SEMA3A: variants seen among roughly 807,000 people sequenced by gnomAD.
SEMA3A encodes semaphorin 3A.
A neutral mutation model predicts 97.9 loss-of-function variants in SEMA3A; 29 were observed. The observed-to-expected ratio is 0.30, with a 90% CI of 0.22 to 0.40. SEMA3A has a LOEUF of 0.40. Ranked by LOEUF, SEMA3A falls within the 10% of genes least tolerant of loss-of-function variation. The pLI, the probability that SEMA3A is intolerant of heterozygous loss-of-function variation, is 1.00. For missense variants in SEMA3A, 763 were observed against 951.3 expected (o/e 0.80, Z 2.60); for synonymous variants, 321 against 323.7 (o/e 0.99, Z 0.09).
chr7:84,338,606 AG>A (rs1244082641), intron 2 of SEMA3A, among the ~76,000 whole-genome samples: 1 of 152,194 alleles, frequency 6.6e-6, no homozygotes, highest in Non-Finnish European at 1.5e-5. Flanking sequence ...TTGAAGAAAT[AG>A]GAAGTTTGGC....
intron 1 of SEMA3A, among the ~76,000 whole-genome samples, chr7:84,465,935 T>C (rs1188486207): frequency 6.6e-6 from 1 of 152,154 alleles, no homozygotes; most frequent in East Asian, 1.9e-4. Flanking sequence ...ATGAAGCTGC[T>C]CATTTTTATT....
chr7:84,307,912 A>G (rs1435201799), intron 2 of SEMA3A, among the ~76,000 whole-genome samples: 2 of 152,162 alleles, frequency 1.3e-5, no homozygotes, highest in African/African-American at 4.8e-5. Context: ...AATTGTACAC[A>G]TTTCATAGTT....
intron 1 of SEMA3A, among the ~76,000 whole-genome samples, chr7:84,386,759 G>T (rs1803407325): frequency 1.3e-5 from 2 of 152,094 alleles, no homozygotes; most frequent in African/African-American, 4.8e-5. Context: ...CAGCACTTTG[G>T]GAGGCTGAGG....
rs562473136 is a variant in SEMA3A at position 84,141,045 on chromosome 7, C to T, written c.113-6094G>A. Among the ~76,000 whole-genome samples, 22 of 152,260 alleles carry T rather than the reference C, an allele frequency of 1.4e-4. No homozygotes were observed. In the East Asian group the frequency reaches 2.9e-3, roughly 20 times the overall value. On this transcript the variant is annotated intron_variant, in intron 1 of 16. Transcript: ENST00000265362. ...CATTTTATTACACGCAAGATTAGGA[C>T]CTTTCCACAGACTGATGTTTGGCAA...
At chr7:84,270,973 A>C (rs1800134462) in intron 3 of SEMA3A, among the ~76,000 whole-genome samples, 1 of 151,966 alleles carries the variant, frequency 6.6e-6, no homozygotes, top group Non-Finnish European at 1.5e-5. Context: ...ATTTTTTCAG[A>C]TTAGTAGTAC....
At chr7:84,035,453 T>C (rs1240174393) in intron 6 of SEMA3A, among the ~76,000 whole-genome samples, 6 of 152,062 alleles carry the variant, frequency 3.9e-5, no homozygotes. Context: ...TGTTTATCAT[T>C]GATTAAGATG....
intron 3 of SEMA3A, among the ~76,000 whole-genome samples, chr7:84,239,637 A>G (rs1799313985): frequency 6.6e-6 from 1 of 152,168 alleles, no homozygotes; most frequent in Admixed American, 6.6e-5. Context: ...ATAGTTTAGA[A>G]ATTGGATCGT....
rs61298477 is a variant in SEMA3A at position 84,445,493 on chromosome 7, C to CAAAAAAAAAAAAAAAAAAAAAAA, written c.-246+46944_-246+46966dup. 8.7e-4 allele frequency among the ~76,000 whole-genome samples: 24 copies of CAAAAAAAAAAAAAAAAAAAAAAA among 27,582 alleles called. 1 individual carries two copies. The highest frequency in any genetic ancestry group is 1.3e-3 in the Non-Finnish European group (16 of 12,678). The allele number at this position is 27,582 out of a possible 152,430, so 18.1% of individuals were successfully genotyped here. A position where few individuals can be genotyped will look rare whatever the true frequency, so the allele number is the denominator to read the frequency against. ...TGGGCGACAGAGTGAGACTCCATCT[C>CAAAAAAAAAAAAAAAAAAAAAAA]AAAAAAAAAAAAAAAAAAAAAAAAA... On this transcript the variant is annotated intron_variant, in intron 1 of 3. Transcript: ENST00000424555.
intron 3 of SEMA3A, among the ~76,000 whole-genome samples, chr7:84,278,863 A>G (rs76691117): frequency 0.081 from 12,393 of 152,132 alleles, 706 homozygotes; most frequent in East Asian, 0.31. Context: ...ACATTTCAAC[A>G]TGAGATTTGG....
At chr7:84,027,768 A>G (rs902426786) in intron 6 of SEMA3A, among the ~76,000 whole-genome samples, 12 of 152,184 alleles carry the variant, frequency 7.9e-5, no homozygotes, top group African/African-American at 2.9e-4. Context: ...TGTGACCATG[A>G]GCAAGTTAAC....
chr7:83,980,603 C>CAAAAAAAAAAAAAAACA (rs1789353855), intron 14 of SEMA3A, among the ~76,000 whole-genome samples: 2 of 53,968 alleles, frequency 3.7e-5, no homozygotes, highest in South Asian at 5.5e-4. Context: ...GACTCCATCT[C>CAAAAAAAAAAAAAAACA]AAAAAAAAAA....
At chr7:84,461,464 C>CT (rs67947350) in intron 1 of SEMA3A, among the ~76,000 whole-genome samples, 64,538 of 147,946 alleles carry the variant, frequency 0.44, 13,876 homozygotes, top group Admixed American at 0.5. Context: ...ACTTGGAAAG[C>CT]TTTTTTTTTT....
At chr7:84,001,316 AC>A (rs753869798) in intron 12 of SEMA3A, among the ~76,000 whole-genome samples, 3 of 149,404 alleles carry the variant, frequency 2.0e-5, no homozygotes, top group African/African-American at 4.9e-5. Context: ...CTTCCACCCA[AC>A]CCCCCTCTCA....
At chr7:84,434,794 TC>T (rs1805082176) in intron 1 of SEMA3A, among the ~76,000 whole-genome samples, 1 of 152,090 alleles carries the variant, frequency 6.6e-6, no homozygotes, top group Non-Finnish European at 1.5e-5. Context: ...AGAAAAGCCT[TC>T]AATAAAATCC....
intron 3 of SEMA3A, among the ~76,000 whole-genome samples, chr7:84,204,287 A>G (rs1208967155): frequency 6.6e-6 from 1 of 152,224 alleles, no homozygotes; most frequent in Non-Finnish European, 1.5e-5. Context: ...TAAGATCATA[A>G]TTTGTAGCAA....
intron 1 of SEMA3A, among the ~76,000 whole-genome samples, chr7:84,192,051 C>A (rs2116271023): frequency 6.6e-6 from 1 of 151,976 alleles, no homozygotes; most frequent in East Asian, 1.9e-4. Context: ...ATCTTGGCAA[C>A]CTGAGCAATG....
At chr7:84,081,304 C>T (rs944408803) in intron 4 of SEMA3A, among the ~76,000 whole-genome samples, 1 of 151,678 alleles carries the variant, frequency 6.6e-6, no homozygotes, top group Admixed American at 6.6e-5. Context: ...ATTTCCCAAG[C>T]TTGTAGGGCC....
chr7:84,337,147 G>A (rs1011519105), intron 2 of SEMA3A, among the ~76,000 whole-genome samples: 1 of 152,112 alleles, frequency 6.6e-6, no homozygotes, highest in Admixed American at 6.6e-5. Flanking sequence ...TTGATATGAG[G>A]ATTAACATGA....
At chr7:84,449,982 T>A (rs77845662) in intron 1 of SEMA3A, among the ~76,000 whole-genome samples, 16 of 152,280 alleles carry the variant, frequency 1.1e-4, no homozygotes, top group Admixed American at 4.6e-4. Context: ...CATTCATCCA[T>A]CCACATACGT....
Sources: gnomAD v4.1 joint callset for allele counts (sites outside exome capture counted in the v4.1 genomes callset) on GRCh38, gnomAD v4.1.1 for gene constraint, MANE v1.5 for transcripts, NCBI Gene and HGNC (gene_info 2026-07-23, HGNC 2026-07-21) for gene names.